PCNX4: variants seen among roughly 807,000 people sequenced by gnomAD.
PCNX4 encodes the protein pecanex 4.
PCNX4 carries 103 observed loss-of-function variants against 107.2 expected under a neutral mutation model. The observed-to-expected ratio is 0.96, with a 90% CI of 0.82 to 1.13. The LOEUF (loss-of-function observed/expected upper bound fraction) is 1.13, where lower values mean the gene tolerates loss of function less well. PCNX4 is among the 50% of genes most tolerant of loss of function. The pLI, the probability that PCNX4 is intolerant of heterozygous loss-of-function variation, is 0.00. For missense variants in PCNX4, 1,528 were observed against 1,379.4 expected (o/e 1.11, Z -1.71); for synonymous variants, 541 against 481.7 (o/e 1.12, Z -1.61).
intron 1 of PCNX4, among the ~76,000 whole-genome samples, chr14:60,094,052 TGATTTC>T (rs1895369127): frequency 1.3e-5 from 2 of 152,346 alleles, no homozygotes; most frequent in East Asian, 3.9e-4. Context: ...TTGGATTATT[TGATTTC>T]TCATTATTGA....
chr14:60,125,041 T>G lies in PCNX4; in HGVS notation c.2870T>G (p.Val957Gly). Residue 957 changes from valine to glycine, a missense_variant, in exon 9 of 11, where the codon GTA (valine) becomes GGA (glycine). Physicochemically the swap from Val to Gly is moderately radical, Grantham distance 109. Coordinates refer to ENST00000406854, the MANE Select transcript of PCNX4 (RefSeq NM_001330177.2). Reference protein sequence around the residue: ...CYHSEEKASNVLEEIAKDKVL... With the variant: ...CYHSEEKASNGLEEIAKDKVL... ...CATTCAGAAGAGAAGGCCTCAAATG[T>G]ACTGGAAGAAATTGCCAAGGACAAA... is the stretch of plus-strand genomic sequence containing the variant. 2.5e-6 allele frequency: 4 copies of G among 1,613,726 alleles called. No homozygotes were observed. Among genetic ancestry groups the G allele is most frequent in the Non-Finnish European group, 3.4e-6 (4 of 1,179,730 alleles).
rs1374962044 is a variant in PCNX4 at position 60,140,008 on chromosome 14, T to C, written c.*5787T>C. 1.3e-5 allele frequency: 2 copies of C among 150,020 alleles called. No individual in the cohort carries two copies. The highest frequency in any genetic ancestry group is 3.0e-5 in the Non-Finnish European group (2 of 67,416). The allele number at this position is 150,020 out of a possible 1,614,324, so 9.3% of individuals were successfully genotyped here. ...GTTAAAATATTCTAAGAATAGCAAA[T>C]TAAACCTGAAGAAAATAAAGGAAAT... On this transcript the variant is annotated 3_prime_UTR_variant, in exon 11 of 11. Coordinates refer to ENST00000406854, the MANE Select transcript of PCNX4 (RefSeq NM_001330177.2). The surrounding 1 kb of genome is among the most constrained non-coding windows in gnomAD (Gnocchi z 4.2).
At chr14:60,120,259 G>A (rs1333594621) in intron 7 of PCNX4, among the ~76,000 whole-genome samples, 1 of 152,180 alleles carries the variant, frequency 6.6e-6, no homozygotes, top group Non-Finnish European at 1.5e-5. Flanking sequence ...GTGATATGTT[G>A]ACTGCCAGAG....
chr14:60,095,552 T>A (rs981329686), intron 1 of PCNX4, among the ~76,000 whole-genome samples: 44 of 152,188 alleles, frequency 2.9e-4, no homozygotes, highest in African/African-American at 1.1e-3. Flanking sequence ...CTTGACTTCT[T>A]CCCTTTGGCT....
Position 60,107,970 on chromosome 14 carries a change from C to T in PCNX4, c.332C>T (p.Ala111Val). ...VERILTTDILAEEDEHEFTSC... is the reference protein window; with the variant it reads ...VERILTTDILVEEDEHEFTSC... ...AGAATACTAACCACGGATATCTTAG[C>T]AGAGGAGGATGAGCATGAATTTACC... The change falls in exon 2 of 11, where the codon GCA (alanine) becomes GTA (valine). Residue 111 changes from alanine (A) to valine (V), a missense_variant. Transcript: ENST00000406854. The T allele has an allele frequency of 6.2e-7, 1 of 1,612,796 alleles. No individual in the cohort carries two copies. The highest frequency in any genetic ancestry group is 8.5e-7 in the Non-Finnish European group (1 of 1,179,838).
At position 60,114,684 on chromosome 14, in the gene PCNX4, CT is replaced by C. The variant is rs533041450; in HGVS notation, c.690-7del. On this transcript the variant is annotated splice_polypyrimidine_tract_variant and intron_variant, in intron 2 of 10. Coordinates refer to ENST00000406854, the MANE Select transcript of PCNX4 (RefSeq NM_001330177.2). ...ATATATTTCGTGTGATTTAAATGTTCTTTTTTTTTATATAGGTTTGTGGTAA... is the reference window on the plus strand; with the variant it reads ...ATATATTTCGTGTGATTTAAATGTTCTTTTTTTTATATAGGTTTGTGGTAA... 1.1e-4 allele frequency: 169 copies of C among 1,565,382 alleles called. No individual in the cohort carries two copies. Among genetic ancestry groups the C allele is most frequent in the South Asian group, 3.1e-4 (27 of 86,564 alleles).
chr14:60,131,381 G>A (rs1896152108), intron 10 of PCNX4, among the ~76,000 whole-genome samples: 2 of 152,136 alleles, frequency 1.3e-5, no homozygotes, highest in Non-Finnish European at 2.9e-5. Context: ...CAAGATATAA[G>A]ATCAACATAC....
Position 60,144,925 on chromosome 14 carries a change from C to A in PCNX4, c.*10704C>A. 6.5e-7 allele frequency: 1 copy of A among 1,527,772 alleles called. No individual in the cohort carries two copies. The allele number at this position is 1,527,772 out of a possible 1,614,324, so 94.6% of individuals were successfully genotyped here. A position where few individuals can be genotyped will look rare whatever the true frequency, so the allele number is the denominator to read the frequency against. ...AGAAGATTGCTGTTTTCATGTTTTCCATTTCTCCCTCCAGTGGCTTGAAAA... is the reference window on the plus strand; with the variant it reads ...AGAAGATTGCTGTTTTCATGTTTTCAATTTCTCCCTCCAGTGGCTTGAAAA... On this transcript the variant is annotated 3_prime_UTR_variant, in exon 11 of 11. Transcript: ENST00000406854.
At chr14:60,100,903 C>T (rs1025208383) in intron 1 of PCNX4, among the ~76,000 whole-genome samples, 2 of 152,200 alleles carry the variant, frequency 1.3e-5, no homozygotes, top group African/African-American at 4.8e-5. Context: ...AGTCCCCTTT[C>T]CCCTTTGTTT....
At position 60,138,841 on chromosome 14, in the gene PCNX4, C is replaced by T. The variant is rs541711958; in HGVS notation, c.*4620C>T. ...GTGAATATTAACTATATAAAATAGT[C>T]TTCGAGGTTAAAATAAATAATGTTA... On this transcript the variant is annotated 3_prime_UTR_variant, in exon 11 of 11. Coordinates refer to ENST00000406854, the MANE Select transcript of PCNX4 (RefSeq NM_001330177.2). 5.9e-5 allele frequency: 9 copies of T among 152,064 alleles called. No individual in the cohort carries two copies. In the East Asian group the frequency reaches 1.5e-3, roughly 26 times the overall value. 9.4% of individuals were successfully genotyped at this position (152,064 alleles called of 1,614,324 possible).
chr14:60,115,123 C>CT lies in PCNX4; in HGVS notation c.1020dup (p.Lys341Ter). The CT allele has an allele frequency of 6.2e-7, 1 of 1,613,762 alleles. No individual in the cohort carries two copies. Among genetic ancestry groups the CT allele is most frequent in the Non-Finnish European group, 8.5e-7 (1 of 1,179,800 alleles). On this transcript the variant is annotated frameshift_variant, in exon 4 of 11. Coordinates refer to ENST00000406854, the MANE Select transcript of PCNX4 (RefSeq NM_001330177.2). LOFTEE classifies it high-confidence loss of function. Reference sequence around the variant, plus strand: ...ATGGGTCACAAAATTGGAACCAAATCTAAGGATTTACCCAGTGGTCCGGAA... The same window carrying CT: ...ATGGGTCACAAAATTGGAACCAAATCTTAAGGATTTACCCAGTGGTCCGGAA...
rs928657959 is a variant in PCNX4 at position 60,148,106 on chromosome 14, A to C, written c.*13885A>C. 2.6e-5 allele frequency: 4 copies of C among 152,110 alleles called. No individual in the cohort carries two copies. Among genetic ancestry groups the C allele is most frequent in the Non-Finnish European group, 2.9e-5 (2 of 68,008 alleles). The allele number at this position is 152,110 out of a possible 1,614,324, so 9.4% of individuals were successfully genotyped here. On this transcript the variant is annotated 3_prime_UTR_variant, in exon 11 of 11. Coordinates refer to ENST00000406854, the MANE Select transcript of PCNX4 (RefSeq NM_001330177.2). This position sits in a 1 kb window ranked among gnomAD's most constrained non-coding sequence, Gnocchi z 4.8. ...ACTCTGGACATTTTAGTGTGTCATGACCCAGTCTGATAACCTTTTATGTCT... is the reference window on the plus strand; with the variant it reads ...ACTCTGGACATTTTAGTGTGTCATGCCCCAGTCTGATAACCTTTTATGTCT...
Position 60,134,239 on chromosome 14 carries a change from A to G in PCNX4, c.*18A>G, listed in dbSNP as rs774525186. On this transcript the variant is annotated 3_prime_UTR_variant, in exon 11 of 11. Transcript: ENST00000406854. Reference sequence around the variant, plus strand: ...TGTATTAGAGCTCATTTTGACTGTAATGTCATCAAATGCAATGTTTTTATT... The same window carrying G: ...TGTATTAGAGCTCATTTTGACTGTAGTGTCATCAAATGCAATGTTTTTATT... 4 of 1,605,032 alleles carry G rather than the reference A, an allele frequency of 2.5e-6. No homozygotes were observed. The South Asian group carries it at 4.4e-5, about 18-fold the overall frequency.
At position 60,125,711 on chromosome 14, in the gene PCNX4, T is replaced by G; in HGVS notation, c.3155T>G (p.Leu1052Arg). Reference sequence around the variant, plus strand: ...GACTTTAGAGAACTGATTAAGTACCTTGAAGAATATGAACGTGACTGGTAC... The same window carrying G: ...GACTTTAGAGAACTGATTAAGTACCGTGAAGAATATGAACGTGACTGGTAC... ...IEDFRELIKY[L>R]EEYERDWYIG... The change falls in exon 10 of 11, where the codon CTT becomes CGT. Residue 1052 changes from leucine (L) to arginine (R), a missense_variant. Coordinates refer to ENST00000406854, the MANE Select transcript of PCNX4 (RefSeq NM_001330177.2). 1 of 1,609,366 alleles carries G rather than the reference T, an allele frequency of 6.2e-7. No homozygotes were observed. The highest frequency in any genetic ancestry group is 8.5e-7 in the Non-Finnish European group (1 of 1,177,560).
rs973741566 is a variant in PCNX4, at chr14:60,147,216, C to T, written c.*12995C>T. The stretch of plus-strand genomic sequence containing the variant: ...CCACTGCAGACTCCAGCCTGGGTGA[C>T]AGGGCGAGACCCTGTCTCAAAGAAA... On this transcript the variant is annotated 3_prime_UTR_variant, in exon 11 of 11. Transcript: ENST00000406854. 1 of 151,964 alleles carries T rather than the reference C, an allele frequency of 6.6e-6. No individual in the cohort carries two copies. Among genetic ancestry groups the T allele is most frequent in the African/African-American group, 2.4e-5 (1 of 41,360 alleles). 9.4% of individuals were successfully genotyped at this position (151,964 alleles called of 1,614,324 possible).
chr14:60,101,486 C>T (rs908736307), intron 1 of PCNX4, among the ~76,000 whole-genome samples: 11 of 152,102 alleles, frequency 7.2e-5, no homozygotes, highest in Non-Finnish European at 1.0e-4. Context: ...CTATTAGTCT[C>T]CTGAAAGTAC....
rs1197680666 is a variant in PCNX4, at chr14:60,136,975, A to G, written c.*2754A>G. On this transcript the variant is annotated 3_prime_UTR_variant, in exon 11 of 11. Coordinates refer to ENST00000406854, the MANE Select transcript of PCNX4 (RefSeq NM_001330177.2). ...ACAAAATGGTGCAGTTTGGACTAACACTAACGTTACTGAATTTTCCCTAAA... is the reference window on the plus strand; with the variant it reads ...ACAAAATGGTGCAGTTTGGACTAACGCTAACGTTACTGAATTTTCCCTAAA... 6.6e-6 allele frequency: 1 copy of G among 152,468 alleles called. No homozygotes were observed. Among genetic ancestry groups the G allele is most frequent in the Non-Finnish European group, 1.5e-5 (1 of 68,042 alleles). The allele number at this position is 152,468 out of a possible 1,614,324, so 9.4% of individuals were successfully genotyped here.
In PCNX4 at chr14:60,136,075, A is replaced by G. The variant is rs959023065; in HGVS notation, c.*1854A>G. 15 of 151,824 alleles carry G rather than the reference A, an allele frequency of 9.9e-5. No individual in the cohort carries two copies. The highest frequency in any genetic ancestry group is 3.4e-4 in the African/African-American group (14 of 41,344). The allele number at this position is 151,824 out of a possible 1,614,324, so 9.4% of individuals were successfully genotyped here. ...TTCATTTACTTGTCAAATCATTCCA[A>G]TCTGGATCCCATCTCCATGACTCTC... On this transcript the variant is annotated 3_prime_UTR_variant, in exon 11 of 11. Coordinates refer to ENST00000406854, the MANE Select transcript of PCNX4 (RefSeq NM_001330177.2).
At chr14:60,128,880 T>G (rs987708807) in intron 10 of PCNX4, among the ~76,000 whole-genome samples, 2 of 152,170 alleles carry the variant, frequency 1.3e-5, no homozygotes, top group Non-Finnish European at 2.9e-5. Context: ...TCTGGATTCT[T>G]GAATCTACAG....
Sources: allele counts gnomAD v4.1 joint callset (sites outside exome capture counted in the v4.1 genomes callset), GRCh38; gene constraint gnomAD v4.1.1; non-coding constraint Gnocchi (gnomAD v3.1); transcripts MANE v1.5; gene names NCBI Gene and HGNC (gene_info 2026-07-23, HGNC 2026-07-21).